WDR25: variants seen among roughly 807,000 people sequenced by gnomAD.
The protein encoded by WDR25 is WD repeat domain 25, also known as WD repeat-containing protein 25.
A neutral mutation model predicts 47.7 loss-of-function variants in WDR25; 35 were observed. That is an observed-to-expected ratio of 0.73 (90% CI 0.56 to 0.97). The LOEUF is 0.97. WDR25 is among the 50% of genes least tolerant of loss of function. WDR25 has a pLI of 0.00. For synonymous variants in WDR25, 248 were observed against 278.9 expected, an observed-to-expected ratio of 0.89 and a Z score of 1.10; for missense variants, 634 against 704.7, an observed-to-expected ratio of 0.90 and a Z score of 1.14.
chr14:100,473,454 T>G (rs1899912218), intron 3 of WDR25, among the ~76,000 whole-genome samples: 1 of 152,124 alleles, frequency 6.6e-6, no homozygotes. Flanking sequence ...AGGGAAACAA[T>G]GGGGAACCCA....
In WDR25 at chr14:100,492,298, G is replaced by A. The variant is rs540022112; in HGVS notation, c.1101+8174G>A. ...GTGGGCAATTGGTTCCCAGAATCTG[G>A]AACCTCAGAGACCTGCCCTGCAACC... On this transcript the variant is annotated intron_variant, in intron 4 of 6. Coordinates refer to ENST00000402312, the MANE Select transcript of WDR25 (RefSeq NM_001161476.3). 3.9e-5 allele frequency among the ~76,000 whole-genome samples: 6 copies of A among 152,306 alleles called. No individual in the cohort carries two copies. In the South Asian group the frequency reaches 1.0e-3, roughly 26 times the overall value.
rs544348281 is a variant in WDR25 at position 100,414,741 on chromosome 14, C to T, written c.822+32995C>T. Among the ~76,000 whole-genome samples the T allele has an allele frequency of 2.6e-5, 4 of 152,172 alleles. 1 individual carries two copies. In the South Asian group the frequency reaches 8.3e-4, roughly 32 times the overall value. On this transcript the variant is annotated intron_variant, in intron 2 of 6. Transcript: ENST00000402312. ...TGTATTCAGCTTTGTAAGAAACCAC[C>T]TGCTTTGAGCAACGAGGTGACACCA...
intron 2 of WDR25, among the ~76,000 whole-genome samples, chr14:100,414,951 G>T (rs1346687725): frequency 6.6e-6 from 1 of 151,738 alleles, no homozygotes; most frequent in Non-Finnish European, 1.5e-5. Context: ...TCTAGATGGA[G>T]AATAGGTCAC....
chr14:100,468,305 G>A lies in WDR25; in HGVS notation c.970+137G>A, dbSNP rs1466279040. 14 of 1,302,596 alleles carry A rather than the reference G, an allele frequency of 1.1e-5. No individual in the cohort carries two copies. Among genetic ancestry groups the A allele is most frequent in the African/African-American group, 3.0e-5 (2 of 67,692 alleles). 80.7% of individuals were successfully genotyped at this position (1,302,596 alleles called of 1,614,324 possible). On this transcript the variant is annotated intron_variant, in intron 3 of 6. Transcript: ENST00000402312. The surrounding 1 kb of genome is among the most constrained non-coding windows in gnomAD (Gnocchi z 4.5). ...GGGGCCTCAGGGTGGGCTCGTGCTCGGTGAGAGGGCTTCCAGACTGCTTGC... is the reference window on the plus strand; with the variant it reads ...GGGGCCTCAGGGTGGGCTCGTGCTCAGTGAGAGGGCTTCCAGACTGCTTGC...
intron 2 of WDR25, among the ~76,000 whole-genome samples, chr14:100,427,325 C>CA (rs1898198035): frequency 6.6e-6 from 1 of 152,234 alleles, no homozygotes; most frequent in Non-Finnish European, 1.5e-5. Context: ...CACTGCCTCT[C>CA]AGTCTCCTCT....
intron 2 of WDR25, among the ~76,000 whole-genome samples, chr14:100,433,844 G>C (rs1179270321): frequency 3.3e-5 from 5 of 152,104 alleles, no homozygotes; most frequent in Non-Finnish European, 5.9e-5. Flanking sequence ...AAGATATTCT[G>C]GGCTCACTTA....
rs953615337 is a variant in WDR25 at position 100,484,187 on chromosome 14, T to C, written c.1101+63T>C. 1.7e-5 allele frequency: 26 copies of C among 1,558,806 alleles called. No individual in the cohort carries two copies. In the Admixed American group the frequency reaches 3.0e-4, roughly 18 times the overall value. The stretch of plus-strand genomic sequence containing the variant: ...GAGCTTGTTTCGACAATTTGAATAA[T>C]TGGGGGCAGGTCAGCATCTATATAT... On this transcript the variant is annotated intron_variant, in intron 4 of 6. Transcript: ENST00000402312.
intron 2 of WDR25, among the ~76,000 whole-genome samples, chr14:100,434,260 G>A (rs913908338): frequency 3.9e-5 from 6 of 152,150 alleles, no homozygotes; most frequent in African/African-American, 1.4e-4. Context: ...TTACACTGAT[G>A]TCTCTAATCC....
intron 4 of WDR25, among the ~76,000 whole-genome samples, chr14:100,518,822 AG>A (rs1901598093): frequency 6.6e-6 from 1 of 150,894 alleles, no homozygotes; most frequent in East Asian, 2.0e-4. Flanking sequence ...TGAACCTGGG[AG>A]GCGGAAGTTG....
intron 2 of WDR25, among the ~76,000 whole-genome samples, chr14:100,464,993 T>C (rs921124326): frequency 6.7e-6 from 1 of 149,146 alleles, no homozygotes; most frequent in Admixed American, 6.7e-5. Flanking sequence ...CCTTATCTAC[T>C]CTCCCCTACA....
chr14:100,378,225 A>G (rs559766968), intron 1 of WDR25, among the ~76,000 whole-genome samples: 1 of 151,800 alleles, frequency 6.6e-6, no homozygotes, highest in Admixed American at 6.6e-5. Flanking sequence ...GCTGGGGTGC[A>G]ATGGCGCGAT....
chr14:100,385,393 A>T (rs997406634), intron 2 of WDR25, among the ~76,000 whole-genome samples: 29 of 152,344 alleles, frequency 1.9e-4, no homozygotes, highest in African/African-American at 6.7e-4. Context: ...TCCTTGATTC[A>T]AGGTAACATT....
intron 3 of WDR25, among the ~76,000 whole-genome samples, chr14:100,482,889 G>A (rs1349823167): frequency 6.6e-6 from 1 of 152,222 alleles, no homozygotes; most frequent in Non-Finnish European, 1.5e-5. Flanking sequence ...CGGGTACAAG[G>A]CAGTCAAGGT....
At chr14:100,475,190 G>A (rs1899976935) in intron 3 of WDR25, among the ~76,000 whole-genome samples, 1 of 152,242 alleles carries the variant, frequency 6.6e-6, no homozygotes, top group African/African-American at 2.4e-5. Context: ...CAATGTAAAT[G>A]AGTACAGCTA....
At position 100,529,216 on chromosome 14, in the gene WDR25, T is replaced by A; in HGVS notation, c.1413+8T>A. The A allele has an allele frequency of 6.2e-7, 1 of 1,613,150 alleles. No homozygotes were observed. Among genetic ancestry groups the A allele is most frequent in the Non-Finnish European group, 8.5e-7 (1 of 1,179,734 alleles). ...CGCTATGAAGGGCACAAGGTACTTC[T>A]GTCCTTGTCCCCCAGGCGAATGCTG... On this transcript the variant is annotated splice_region_variant and intron_variant, in intron 6 of 6. Coordinates refer to ENST00000402312, the MANE Select transcript of WDR25 (RefSeq NM_001161476.3). This position sits in a 1 kb window ranked among gnomAD's most constrained non-coding sequence, Gnocchi z 5.1.
chr14:100,505,126 G>A (rs751405994), intron 4 of WDR25, among the ~76,000 whole-genome samples: 7 of 152,098 alleles, frequency 4.6e-5, no homozygotes, highest in African/African-American at 1.7e-4. Flanking sequence ...TATTACATAG[G>A]TTTTTGTGTT....
At chr14:100,527,008 C>T (rs1017252499) in intron 5 of WDR25, among the ~76,000 whole-genome samples, 1 of 102,650 alleles carries the variant, frequency 9.7e-6, no homozygotes, top group Non-Finnish European at 2.3e-5. Flanking sequence ...TCACTGTCAC[C>T]AGCATCTTTA....
At chr14:100,472,771 T>A (rs1258448019) in intron 3 of WDR25, among the ~76,000 whole-genome samples, 1 of 152,220 alleles carries the variant, frequency 6.6e-6, no homozygotes, top group Non-Finnish European at 1.5e-5. Flanking sequence ...CTCCTGGTAA[T>A]GGGACAACAC....
chr14:100,470,702 C>T (rs1486880478), intron 3 of WDR25, among the ~76,000 whole-genome samples: 1 of 152,150 alleles, frequency 6.6e-6, no homozygotes, highest in Non-Finnish European at 1.5e-5. Flanking sequence ...TGACCTGCAG[C>T]CCCTGGTGGA....
Sources: gnomAD v4.1 joint callset for allele counts (sites outside exome capture counted in the v4.1 genomes callset) on GRCh38, gnomAD v4.1.1 for gene constraint, Gnocchi (gnomAD v3.1) non-coding constraint, MANE v1.5 for transcripts, NCBI Gene and HGNC (gene_info 2026-07-23, HGNC 2026-07-21) for gene names.